The following KCNAB2 variants were observed in gnomAD, a reference collection of about 807,000 sequenced individuals.
KCNAB2 encodes the protein voltage-gated potassium channel subunit beta-2.
KCNAB2 carries 29 observed loss-of-function variants against 63.6 expected under a neutral mutation model. The observed-to-expected ratio is 0.46, with a 90% CI of 0.34 to 0.62. The LOEUF is 0.62. KCNAB2 is among the 20% of genes least tolerant of loss of function. KCNAB2 has a pLI of 0.01. For synonymous variants in KCNAB2, 222 were observed against 224.2 expected, an observed-to-expected ratio of 0.99 and a Z score of 0.09; for missense variants, 359 against 563.9, an observed-to-expected ratio of 0.64 and a Z score of 3.68.
intron 9 of KCNAB2, 42 bp downstream of exon 9, chr1:6,090,517 G>A: frequency 6.9e-7 from 1 of 1,459,852 alleles, no homozygotes; most frequent in Non-Finnish European, 9.5e-7. Flanking sequence ...GCCTGGGCGG[G>A]GTCTGAAGGG....
intron 1 of KCNAB2, among the ~76,000 whole-genome samples, chr1:6,001,588 A>G (rs481762): frequency 0.53 from 80,251 of 152,000 alleles, 21,541 homozygotes; most frequent in African/African-American, 0.63. Flanking sequence ...GGGTCTCTGA[A>G]GAGCAGTCTG....
chr1:6,051,425 C>A (rs1442306236), intron 1 of KCNAB2, 86 bp from the exon 2 acceptor site: 14 of 1,394,554 alleles, frequency 1.0e-5, no homozygotes, highest in Non-Finnish European at 1.3e-5. Flanking sequence ...TGTTTCGCTG[C>A]AGCTGCCCCC....
intron 4 of KCNAB2, among the ~76,000 whole-genome samples, chr1:6,080,781 G>A (rs1280325985): frequency 6.6e-6 from 1 of 152,214 alleles, no homozygotes; most frequent in Non-Finnish European, 1.5e-5. Flanking sequence ...GTGCCCCCCA[G>A]TGGTGGCTAC....
intron 1 of KCNAB2, among the ~76,000 whole-genome samples, chr1:6,048,145 A>G (rs942991765): frequency 1.2e-4 from 19 of 152,076 alleles, no homozygotes; most frequent in Admixed American, 1.0e-3. Context: ...GATTATTCAC[A>G]TCTGTGTTCT....
intron 1 of KCNAB2, among the ~76,000 whole-genome samples, chr1:6,020,182 A>G (rs1355378016): frequency 6.6e-6 from 1 of 152,170 alleles, no homozygotes; most frequent in Non-Finnish European, 1.5e-5. Flanking sequence ...GTCCTGGCCC[A>G]GAGGAATGAA....
At chr1:6,040,539 G>A (rs201381401) in exon 2 of KCNAB2, 162 of 1,605,604 alleles carry the variant, frequency 1.0e-4, no homozygotes, top group African/African-American at 7.3e-4. Flanking sequence ...GTAAAAAACC[G>A]AGCAAGTCTG....
rs548248149 is a variant in KCNAB2, at chr1:6,061,915, A to C, written c.218+10161A>C. 5.3e-5 allele frequency among the ~76,000 whole-genome samples: 8 copies of C among 152,290 alleles called. No individual in the cohort carries two copies. The South Asian group carries it at 1.7e-3, about 32-fold the overall frequency. On this transcript the variant is annotated intron_variant, in intron 2 of 15. Transcript: ENST00000378083. ...GTCAGTAAAATAAGTCGGTGGTAAA[A>C]ATAAAATACCAAATTCACCCACTAG...
At chr1:6,020,857 A>G (rs1022498545) in intron 1 of KCNAB2, among the ~76,000 whole-genome samples, 2 of 151,928 alleles carry the variant, frequency 1.3e-5, no homozygotes, top group African/African-American at 4.8e-5. Flanking sequence ...ATGGGGTTTC[A>G]CCATGTTGGC....
chr1:6,043,749 A>G (rs1017215430), upstream of KCNAB2, among the ~76,000 whole-genome samples: 25 of 152,242 alleles, frequency 1.6e-4, no homozygotes, highest in African/African-American at 5.8e-4. Context: ...AGAGGCGTTC[A>G]AGGCATGTGC....
At chr1:6,013,889 G>A (rs559934330) in intron 1 of KCNAB2, among the ~76,000 whole-genome samples, 4 of 152,064 alleles carry the variant, frequency 2.6e-5, no homozygotes, top group African/African-American at 7.2e-5. Flanking sequence ...GCCTTTGGCT[G>A]TTCCCGTATT....
upstream of KCNAB2, chr1:6,041,951 C>A: frequency 7.7e-7 from 1 of 1,290,604 alleles, no homozygotes; most frequent in Non-Finnish European, 1.1e-6. Flanking sequence ...CCTTGCCGAG[C>A]AGGGTGTGCT....
At position 6,073,461 on chromosome 1, in the gene KCNAB2, C is replaced by T. The variant is rs1027882587; in HGVS notation, c.263-272C>T. Among the ~76,000 whole-genome samples the T allele has an allele frequency of 1.3e-5, 2 of 152,242 alleles. No individual in the cohort carries two copies. Among genetic ancestry groups the T allele is most frequent in the African/African-American group, 4.8e-5 (2 of 41,456 alleles). On this transcript the variant is annotated intron_variant, in intron 3 of 15. Coordinates refer to ENST00000378083, the MANE Select transcript of KCNAB2 (RefSeq NM_001199862.2). This position sits in a 1 kb window ranked among gnomAD's most constrained non-coding sequence, Gnocchi z 5.7. ...GAACTAGAGCTGCCTCAGTACAGCT[C>T]TGACCAGCATTTCAAAAGCCCCAGA... is the stretch of plus-strand genomic sequence containing the variant.
In KCNAB2 at chr1:6,076,732, C is replaced by T. The variant is rs576663635; in HGVS notation, c.300+2962C>T. On this transcript the variant is annotated intron_variant, in intron 4 of 15. Transcript: ENST00000378083. ...ACTGGGGTAGGGACAGATTCCTTGT[C>T]CCCCCAGATGAGGGTGACAGGGAGG... 5.9e-5 allele frequency among the ~76,000 whole-genome samples: 9 copies of T among 152,280 alleles called. No individual in the cohort carries two copies. In the East Asian group the frequency reaches 1.5e-3, roughly 26 times the overall value.
chr1:6,047,593 AGCT>A (rs2100507175), intron 1 of KCNAB2, among the ~76,000 whole-genome samples: 1 of 152,168 alleles, frequency 6.6e-6, no homozygotes, highest in South Asian at 2.1e-4. Flanking sequence ...CCCCACCAAC[AGCT>A]GCCTGGCACT....
chr1:6,078,677 A>G lies in KCNAB2; in HGVS notation c.301-3518A>G, dbSNP rs1427505155. Among the ~76,000 whole-genome samples the G allele has an allele frequency of 1.3e-5, 2 of 152,114 alleles. No individual in the cohort carries two copies. Among genetic ancestry groups the G allele is most frequent in the African/African-American group, 4.8e-5 (2 of 41,422 alleles). ...ATGGAAGCCCCTGGAGGGCTTTTGC[A>G]TGGAGGAAATTTGACCTGATTTAAA... On this transcript the variant is annotated intron_variant, in intron 4 of 15. Coordinates refer to ENST00000378083, the MANE Select transcript of KCNAB2 (RefSeq NM_001199862.2). This position sits in a 1 kb window ranked among gnomAD's most constrained non-coding sequence, Gnocchi z 4.2.
intron 2 of KCNAB2, among the ~76,000 whole-genome samples, chr1:6,060,139 C>T (rs1009013216): frequency 1.3e-5 from 2 of 152,340 alleles, no homozygotes; most frequent in African/African-American, 2.4e-5. Context: ...CACAGGCTCC[C>T]GCCATCTGCC....
chr1:6,091,292 A>G lies in KCNAB2; in HGVS notation c.631A>G (p.Thr211Ala), dbSNP rs1197323869. The change falls in exon 10 of 16, where the codon ACA (threonine) becomes GCA (alanine). Residue 211 changes from threonine to alanine, a missense_variant. By Grantham distance (58) the Thr-to-Ala change is moderately conservative. Coordinates refer to ENST00000378083, the MANE Select transcript of KCNAB2 (RefSeq NM_001199862.2). Reference sequence around the variant, plus strand: ...CCCATTTAGTTCCTCCAAGTCAAGGACATTCATCATAGAAGGTACACAGTG... The same window carrying G: ...CCCATTTAGTTCCTCCAAGTCAAGGGCATTCATCATAGAAGGTACACAGTG... Reference protein sequence around the residue: ...GDPFSSSKSRTFIIEETVRAM... With the variant: ...GDPFSSSKSRAFIIEETVRAM... 2 of 1,533,664 alleles carry G rather than the reference A, an allele frequency of 1.3e-6. No homozygotes were observed. Among genetic ancestry groups the G allele is most frequent in the Non-Finnish European group, 1.7e-6 (2 of 1,144,854 alleles).
In KCNAB2 at chr1:6,098,546, C is replaced by A; in HGVS notation, c.1220C>A (p.Pro407His). ...ATTGATAGTATTTTGGGCAATAAAC[C>A]CTACAGCAAAAAGGACTACAGATCC... ...HEIDSILGNK[P>H]YSKKDYRS is the part of the protein sequence containing the mutation. Residue 407 changes from proline to histidine, a missense_variant, in exon 16 of 16, where the codon CCC becomes CAC. By Grantham distance (77) the Pro-to-His change is moderately conservative (BLOSUM62 -2). Around this residue, in one of 2 missense-constraint regions of KCNAB2, gnomAD observed 271 missense variants for 476.1 expected, o/e 0.57. Transcript: ENST00000378083. 1 of 1,613,996 alleles carries A rather than the reference C, an allele frequency of 6.2e-7. No individual in the cohort carries two copies. Among genetic ancestry groups the A allele is most frequent in the South Asian group, 1.1e-5 (1 of 91,078 alleles).
intron 1 of KCNAB2, among the ~76,000 whole-genome samples, chr1:6,037,518 GC>G (rs767911048): frequency 5.3e-5 from 8 of 152,218 alleles, no homozygotes; most frequent in Non-Finnish European, 1.0e-4. Context: ...ACTCAGGGGA[GC>G]CTGGGGGCAG....
Sources: gnomAD v4.1 joint callset for allele counts (sites outside exome capture counted in the v4.1 genomes callset) on GRCh38, gnomAD v4.1.1 for gene constraint, gnomAD v4.1.1 regional missense constraint, Gnocchi (gnomAD v3.1) non-coding constraint, MANE v1.5 for transcripts, NCBI Gene and HGNC (gene_info 2026-07-23, HGNC 2026-07-21) for gene names.